JAZF1: variants seen among roughly 807,000 people sequenced by gnomAD.
The protein encoded by JAZF1 is JAZF zinc finger 1.
Under a neutral mutation model 26.4 loss-of-function variants are expected in JAZF1, and 8 were observed. The ratio of observed to expected loss-of-function variants is 0.30; its 90% CI spans 0.18 to 0.55. The LOEUF is 0.55. Ranked by LOEUF, JAZF1 falls within the 20% of genes least tolerant of loss-of-function variation. The pLI, the probability that JAZF1 is intolerant of heterozygous loss-of-function variation, is 0.94. For missense variants in JAZF1, 199 were observed against 322.0 expected, an observed-to-expected ratio of 0.62 and a Z score of 2.92; for synonymous variants, 126 against 122.3, an observed-to-expected ratio of 1.03 and a Z score of -0.20.
intron 2 of JAZF1, among the ~76,000 whole-genome samples, chr7:27,990,295 G>GT (rs1317333841): frequency 1.3e-5 from 2 of 152,136 alleles, no homozygotes; most frequent in African/African-American, 4.8e-5. Context: ...GAGGTGGGGG[G>GT]AGGTGAGAGG....
chr7:28,018,304 C>T (rs1207031556), intron 1 of JAZF1, among the ~76,000 whole-genome samples: 1 of 152,184 alleles, frequency 6.6e-6, no homozygotes, highest in Non-Finnish European at 1.5e-5. Flanking sequence ...GGGGATGAGG[C>T]TGGGGAAGGC....
intron 1 of JAZF1, among the ~76,000 whole-genome samples, chr7:28,158,812 T>C (rs368233553): frequency 1.3e-5 from 2 of 152,190 alleles, no homozygotes; most frequent in East Asian, 1.9e-4. Context: ...GAATTCAATC[T>C]GATATGGACA....
chr7:28,118,844 G>A (rs1288657505), intron 1 of JAZF1, among the ~76,000 whole-genome samples: 1 of 151,634 alleles, frequency 6.6e-6, no homozygotes, highest in African/African-American at 2.4e-5. Context: ...AACAGCAGAG[G>A]GATCTGTTCC....
At chr7:28,136,071 A>T (rs1164544307) in intron 1 of JAZF1, among the ~76,000 whole-genome samples, 1 of 152,242 alleles carries the variant, frequency 6.6e-6, no homozygotes, top group African/African-American at 2.4e-5. Flanking sequence ...TAGCACTGCC[A>T]ATCTACAACG....
chr7:28,042,132 A>G (rs1783402317), intron 1 of JAZF1, among the ~76,000 whole-genome samples: 1 of 152,262 alleles, frequency 6.6e-6, no homozygotes, highest in Admixed American at 6.5e-5. Context: ...TGAAGGATCA[A>G]TAGGAGTTCG....
chr7:28,023,534 C>T (rs1394781088), intron 1 of JAZF1, among the ~76,000 whole-genome samples: 1 of 152,182 alleles, frequency 6.6e-6, no homozygotes, highest in African/African-American at 2.4e-5. Flanking sequence ...CAAGAATTAG[C>T]AAGAATCTAC....
Position 28,060,579 on chromosome 7 carries a change from G to A in JAZF1, c.116-68598C>T, listed in dbSNP as rs1254428756. On this transcript the variant is annotated intron_variant, in intron 1 of 4. Transcript: ENST00000283928. ...AATTTCAGCTGTAAATCCACAAGCT[G>A]TTCTGTGGTTACAGATTTTCTGAGG... is the stretch of plus-strand genomic sequence containing the variant. Among the ~76,000 whole-genome samples the A allele has an allele frequency of 2.0e-5, 3 of 152,204 alleles. No homozygotes were observed. The East Asian group carries it at 5.8e-4, about 29-fold the overall frequency.
chr7:27,978,919 A>C (rs955816978), intron 2 of JAZF1, among the ~76,000 whole-genome samples: 7 of 148,044 alleles, frequency 4.7e-5, no homozygotes, highest in Non-Finnish European at 7.5e-5. Context: ...GGCAGGGGAG[A>C]GGGGGAGAGA....
rs190602921 is a variant in JAZF1, at chr7:28,030,248, T to C, written c.116-38267A>G. ...CTGACTGTAGTTTAGGGAAGTTTTATAGGCTTGTGGAAGGCAGGCATGGAA... is the reference window on the plus strand; with the variant it reads ...CTGACTGTAGTTTAGGGAAGTTTTACAGGCTTGTGGAAGGCAGGCATGGAA... On this transcript the variant is annotated intron_variant, in intron 1 of 4. Transcript: ENST00000283928. Among the ~76,000 whole-genome samples, 1,103 of 152,336 alleles carry C rather than the reference T, an allele frequency of 7.2e-3. 5 individuals carry two copies. Among genetic ancestry groups the C allele is most frequent in the Middle Eastern group, 0.017 (5 of 294 alleles).
chr7:27,943,837 A>G (rs1190564373), intron 2 of JAZF1, among the ~76,000 whole-genome samples: 1 of 152,224 alleles, frequency 6.6e-6, no homozygotes, highest in Non-Finnish European at 1.5e-5. Flanking sequence ...CTGGGGGCCC[A>G]GTTTTCAACA....
At chr7:27,870,483 A>G (rs574373763) in intron 3 of JAZF1, among the ~76,000 whole-genome samples, 1 of 152,280 alleles carries the variant, frequency 6.6e-6, no homozygotes, top group East Asian at 1.9e-4. Flanking sequence ...ACTTTCTGAT[A>G]GATTTTAAAA....
chr7:27,912,055 G>A (rs1583460354), intron 2 of JAZF1, among the ~76,000 whole-genome samples: 1 of 152,106 alleles, frequency 6.6e-6, no homozygotes, highest in African/African-American at 2.4e-5. Context: ...TCAGAATGGG[G>A]GTGTACTGGG....
At chr7:27,987,398 G>C (rs1785747755) in intron 2 of JAZF1, among the ~76,000 whole-genome samples, 2 of 152,090 alleles carry the variant, frequency 1.3e-5, no homozygotes, top group South Asian at 4.1e-4. Flanking sequence ...CGTCTGAGAA[G>C]TGAGGAGCCC....
In JAZF1 at chr7:28,164,436, G is replaced by A. The variant is rs145185020; in HGVS notation, c.115+16027C>T. Among the ~76,000 whole-genome samples, 479 of 152,274 alleles carry A rather than the reference G, an allele frequency of 3.1e-3. 3 individuals are homozygous for A. Among genetic ancestry groups the A allele is most frequent in the African/African-American group, 0.011 (459 of 41,536 alleles). ...CTGCATGGGCATCCTGTCACTCAAAGCACACTACTTTCAATTACTTGAACA... is the reference window on the plus strand; with the variant it reads ...CTGCATGGGCATCCTGTCACTCAAAACACACTACTTTCAATTACTTGAACA... On this transcript the variant is annotated intron_variant, in intron 1 of 4. Transcript: ENST00000283928.
chr7:28,011,463 G>T (rs1202235399), intron 1 of JAZF1, among the ~76,000 whole-genome samples: 1 of 152,166 alleles, frequency 6.6e-6, no homozygotes, highest in Non-Finnish European at 1.5e-5. Context: ...AAGGACTTCT[G>T]AACATGACAA....
chr7:27,876,544 G>A (rs561698408), intron 3 of JAZF1, among the ~76,000 whole-genome samples: 2 of 152,280 alleles, frequency 1.3e-5, no homozygotes, highest in African/African-American at 2.4e-5. Context: ...GCCTGGATTA[G>A]AATTCTGAAT....
chr7:28,065,991 A>C (rs1456629370), intron 1 of JAZF1, among the ~76,000 whole-genome samples: 1 of 152,192 alleles, frequency 6.6e-6, no homozygotes, highest in African/African-American at 2.4e-5. Context: ...GAGCACAGTT[A>C]AATGTTCACG....
chr7:28,015,379 C>T (rs569535318), intron 1 of JAZF1, among the ~76,000 whole-genome samples: 15 of 152,186 alleles, frequency 9.9e-5, no homozygotes, highest in African/African-American at 3.6e-4. Context: ...GACAATGCAT[C>T]AATTTGGTTC....
chr7:27,902,131 C>CA (rs1388248289), intron 2 of JAZF1, among the ~76,000 whole-genome samples: 1 of 152,176 alleles, frequency 6.6e-6, no homozygotes, highest in East Asian at 1.9e-4. Flanking sequence ...TGAAAATATT[C>CA]ATGTGTTTCA....
Sources: allele counts gnomAD v4.1 joint callset (sites outside exome capture counted in the v4.1 genomes callset), GRCh38; gene constraint gnomAD v4.1.1; transcripts MANE v1.5; gene names NCBI Gene and HGNC (gene_info 2026-07-23, HGNC 2026-07-21).